GRIK2: variants seen among roughly 807,000 people sequenced by gnomAD.
GRIK2 encodes glutamate receptor ionotropic, kainate 2.
Under a neutral mutation model 100.3 loss-of-function variants are expected in GRIK2, and 32 were observed. The ratio of observed to expected loss-of-function variants is 0.32; its 90% CI spans 0.24 to 0.43. The LOEUF is 0.43. Ranked by LOEUF, GRIK2 falls within the 20% of genes least tolerant of loss-of-function variation. The pLI is 1.00. For synonymous variants in GRIK2, 417 were observed against 389.4 expected (o/e 1.07, Z -0.83); for missense variants, 843 against 1,114.9 (o/e 0.76, Z 3.47).
rs146097499 is a variant in GRIK2 at position 101,945,971 on chromosome 6, A to G, written c.2085+17339A>G. On this transcript the variant is annotated intron_variant, in intron 14 of 16. Transcript: ENST00000369134. ...TTAATCCTTGTAAGTAAATTAATCA[A>G]TATAAGATTATTAATCATAATCTTT... is the stretch of plus-strand genomic sequence containing the variant. Among the ~76,000 whole-genome samples the G allele has an allele frequency of 4.7e-3, 708 of 151,068 alleles. 8 individuals carry two copies. Among genetic ancestry groups the G allele is most frequent in the African/African-American group, 0.017 (690 of 41,242 alleles).
intron 14 of GRIK2, among the ~76,000 whole-genome samples, chr6:101,996,715 A>G (rs1467999981): frequency 6.6e-6 from 1 of 152,104 alleles, no homozygotes; most frequent in African/African-American, 2.4e-5. Context: ...GAAGTGAGGG[A>G]CAGAGTCCTG....
At chr6:101,868,668 A>AG (rs1448017831) in intron 11 of GRIK2, among the ~76,000 whole-genome samples, 1 of 151,894 alleles carries the variant, frequency 6.6e-6, no homozygotes, top group East Asian at 1.9e-4. Context: ...AATTAAAAAA[A>AG]GGAAAATCAT....
At chr6:101,934,894 T>G (rs1207359132) in intron 14 of GRIK2, among the ~76,000 whole-genome samples, 2 of 152,010 alleles carry the variant, frequency 1.3e-5, no homozygotes, top group Non-Finnish European at 2.9e-5. Context: ...AAGTTCCACT[T>G]TGCATATGCA....
intron 2 of GRIK2, among the ~76,000 whole-genome samples, chr6:101,585,299 G>A (rs911422885): frequency 3.3e-5 from 5 of 152,040 alleles, no homozygotes; most frequent in African/African-American, 9.7e-5. Context: ...AATTGTATAT[G>A]TGTGTTTATA....
chr6:101,486,023 A>G (rs1172473748), intron 2 of GRIK2, among the ~76,000 whole-genome samples: 1 of 151,876 alleles, frequency 6.6e-6, no homozygotes, highest in Non-Finnish European at 1.5e-5. Flanking sequence ...CTGTTTTATA[A>G]TTACATGAAA....
rs745549706 is a variant in GRIK2 at position 101,502,118 on chromosome 6, G to A, written c.115+102726G>A. Among the ~76,000 whole-genome samples the A allele has an allele frequency of 2.8e-4, 42 of 152,026 alleles. 1 individual carries two copies. Among genetic ancestry groups the A allele is most frequent in the Non-Finnish European group, 5.0e-4 (34 of 68,002 alleles). ...CTGATACAATAAGGAAATATTACACGCTTGTAATTTTGCAAAATTAATGAA... is the reference window on the plus strand; with the variant it reads ...CTGATACAATAAGGAAATATTACACACTTGTAATTTTGCAAAATTAATGAA... On this transcript the variant is annotated intron_variant, in intron 2 of 16. Transcript: ENST00000369134.
At chr6:101,604,202 A>G (rs747560560) in intron 2 of GRIK2, among the ~76,000 whole-genome samples, 60 of 151,718 alleles carry the variant, frequency 4.0e-4, no homozygotes, top group Non-Finnish European at 7.2e-4. Context: ...TTTGTTTCTC[A>G]TTAAAACATT....
At chr6:101,742,912 T>C (rs988395848) in intron 7 of GRIK2, among the ~76,000 whole-genome samples, 1 of 152,112 alleles carries the variant, frequency 6.6e-6, no homozygotes, top group African/African-American at 2.4e-5. Flanking sequence ...CAGGTTAAAT[T>C]TTAAGAGCCC....
intron 7 of GRIK2, among the ~76,000 whole-genome samples, chr6:101,749,094 GTAT>G (rs1562355117): frequency 6.6e-6 from 1 of 152,060 alleles, no homozygotes; most frequent in Admixed American, 6.6e-5. Flanking sequence ...AACAAAGGAA[GTAT>G]TATTTTATTT....
At chr6:101,474,589 A>G (rs542899019) in intron 2 of GRIK2, among the ~76,000 whole-genome samples, 1 of 151,958 alleles carries the variant, frequency 6.6e-6, no homozygotes, top group South Asian at 2.1e-4. Flanking sequence ...TAAAGGCACT[A>G]TTCCTGTAAA....
chr6:101,996,698 G>T (rs1794668283), intron 14 of GRIK2, among the ~76,000 whole-genome samples: 2 of 152,082 alleles, frequency 1.3e-5, no homozygotes, highest in Non-Finnish European at 2.9e-5. Context: ...CTTTATTCAA[G>T]AAGCAGGAAG....
At position 101,669,112 on chromosome 6, in the gene GRIK2, A is replaced by G. The variant is rs181686581; in HGVS notation, c.542-7511A>G. 2.4e-3 allele frequency among the ~76,000 whole-genome samples: 371 copies of G among 152,292 alleles called. 3 individuals carry two copies. Among genetic ancestry groups the G allele is most frequent in the African/African-American group, 8.5e-3 (352 of 41,564 alleles). On this transcript the variant is annotated intron_variant, in intron 4 of 16. Transcript: ENST00000369134. ...CAATGTGGTACCCTTTTTTGTTAGA[A>G]GGTTTTGTGGAGCCCATCTGTGCAG...
Position 101,399,405 on chromosome 6 carries a change from A to G in GRIK2, c.115+13A>G. On this transcript the variant is annotated intron_variant, in intron 2 of 16. Transcript: ENST00000369134. ...GTATTAAGATTTGGTAAGATTCCCCATCTCTCTTGGTTGCCTGGTATCCGC... is the reference window on the plus strand; with the variant it reads ...GTATTAAGATTTGGTAAGATTCCCCGTCTCTCTTGGTTGCCTGGTATCCGC... The G allele has an allele frequency of 7.6e-7, 1 of 1,312,282 alleles. No homozygotes were observed. The allele number at this position is 1,312,282 out of a possible 1,614,324, so 81.3% of individuals were successfully genotyped here.
intron 2 of GRIK2, among the ~76,000 whole-genome samples, chr6:101,443,913 C>G (rs1770223354): frequency 6.6e-6 from 1 of 151,398 alleles, no homozygotes; most frequent in African/African-American, 2.4e-5. Context: ...AAGATGGGCT[C>G]TCACTCTGTC....
intron 10 of GRIK2, among the ~76,000 whole-genome samples, chr6:101,831,941 A>G (rs1353359283): frequency 6.6e-6 from 1 of 152,146 alleles, no homozygotes; most frequent in African/African-American, 2.4e-5. Flanking sequence ...CCTAAAATAT[A>G]GTTTAGATTA....
At chr6:101,428,316 G>C (rs552707011) in intron 2 of GRIK2, among the ~76,000 whole-genome samples, 23 of 152,070 alleles carry the variant, frequency 1.5e-4, no homozygotes, top group Non-Finnish European at 2.6e-4. Flanking sequence ...TAAAAATGCT[G>C]CCTTCCTTAT....
intron 2 of GRIK2, among the ~76,000 whole-genome samples, chr6:101,475,481 T>C (rs754127930): frequency 6.6e-6 from 1 of 151,992 alleles, no homozygotes; most frequent in Non-Finnish European, 1.5e-5. Context: ...AGTTTAAAAG[T>C]TGGATCAAAT....
chr6:101,937,502 A>G (rs1389870615), intron 14 of GRIK2, among the ~76,000 whole-genome samples: 1 of 152,158 alleles, frequency 6.6e-6, no homozygotes, highest in East Asian at 1.9e-4. Context: ...AGGAAATTCA[A>G]GAAGGACATA....
At chr6:101,908,783 G>GAT (rs1443207004) in intron 12 of GRIK2, among the ~76,000 whole-genome samples, 2 of 79,504 alleles carry the variant, frequency 2.5e-5, no homozygotes, top group African/African-American at 1.1e-4. Context: ...TAAAAATGGA[G>GAT]ATATAATGTT....
Sources: allele counts gnomAD v4.1 joint callset (sites outside exome capture counted in the v4.1 genomes callset), GRCh38; gene constraint gnomAD v4.1.1; transcripts MANE v1.5; gene names NCBI Gene and HGNC (gene_info 2026-07-23, HGNC 2026-07-21).